DOK6: variants seen among roughly 807,000 people sequenced by gnomAD.
DOK6 encodes downstream of tyrosine kinase 6.
Under a neutral mutation model 44.0 loss-of-function variants are expected in DOK6, and 22 were observed. That is an observed-to-expected ratio of 0.50 (90% CI 0.36 to 0.71). The LOEUF is 0.71. DOK6 is among the 30% of genes least tolerant of loss of function. The probability of loss-of-function intolerance (pLI) is 0.00; values close to 1 mark genes in which losing one functional copy is unlikely to be tolerated. For missense variants in DOK6, 340 were observed against 416.4 expected, an observed-to-expected ratio of 0.82 and a Z score of 1.60; for synonymous variants, 166 against 145.5, an observed-to-expected ratio of 1.14 and a Z score of -1.01.
rs528138644 is a variant in DOK6 at position 69,448,239 on chromosome 18, G to T, written c.66+46929G>T. ...GTTTTAAGTGTTTAACTAGATTTTA[G>T]AATTCTGAAAAAGTTGACTCTGAGA... is the stretch of plus-strand genomic sequence containing the variant. On this transcript the variant is annotated intron_variant, in intron 1 of 7. Transcript: ENST00000382713. 8.5e-5 allele frequency among the ~76,000 whole-genome samples: 13 copies of T among 152,296 alleles called. No individual in the cohort carries two copies. In the East Asian group the frequency reaches 2.5e-3, roughly 29 times the overall value.
chr18:69,507,208 C>T lies in DOK6; in HGVS notation c.67-57279C>T, dbSNP rs1036987835. On this transcript the variant is annotated intron_variant, in intron 1 of 7. Coordinates refer to ENST00000382713, the MANE Select transcript of DOK6 (RefSeq NM_152721.6). ...GTGGCTTGCTAATTTTTTGTATTTT[C>T]AGTAGAGAGGGGGTTTCACCGTGTT... 6.6e-5 allele frequency among the ~76,000 whole-genome samples: 10 copies of T among 151,854 alleles called. No individual in the cohort carries two copies. In the East Asian group the frequency reaches 9.7e-4, roughly 15 times the overall value.
intron 7 of DOK6, among the ~76,000 whole-genome samples, chr18:69,828,565 G>A (rs142577057): frequency 4.6e-5 from 7 of 151,480 alleles, no homozygotes; most frequent in African/African-American, 1.5e-4. Context: ...TTATTATGGA[G>A]AATTTATAAA....
chr18:69,827,177 AGC>A (rs1308090219), intron 7 of DOK6, among the ~76,000 whole-genome samples: 2 of 152,134 alleles, frequency 1.3e-5, no homozygotes, highest in East Asian at 3.8e-4. Flanking sequence ...AATCATTCAA[AGC>A]TTCCTATCAC....
chr18:69,441,905 G>GA (rs1979147877), intron 1 of DOK6, among the ~76,000 whole-genome samples: 1 of 151,848 alleles, frequency 6.6e-6, no homozygotes, highest in African/African-American at 2.4e-5. Flanking sequence ...TGAGAGAAAA[G>GA]AAAAAAATGT....
intron 1 of DOK6, among the ~76,000 whole-genome samples, chr18:69,481,101 C>CT (rs1980406134): frequency 1.3e-5 from 2 of 152,158 alleles, no homozygotes; most frequent in Admixed American, 1.3e-4. Flanking sequence ...CTTCTGCCGT[C>CT]AGGCACTTGG....
chr18:69,629,785 TTTTGTTTG>T (rs147380862), intron 3 of DOK6, among the ~76,000 whole-genome samples: 28 of 151,858 alleles, frequency 1.8e-4, no homozygotes, highest in African/African-American at 5.8e-4. Flanking sequence ...GTTTGTTTGT[TTTTGTTTG>T]TTTGTTTGTT....
intron 7 of DOK6, among the ~76,000 whole-genome samples, chr18:69,775,196 T>C (rs895800335): frequency 6.6e-6 from 1 of 152,024 alleles, no homozygotes; most frequent in African/African-American, 2.4e-5. Flanking sequence ...AATACTAAAT[T>C]GATTCATCTT....
At chr18:69,490,220 G>A (rs1980698250) in intron 1 of DOK6, among the ~76,000 whole-genome samples, 1 of 152,140 alleles carries the variant, frequency 6.6e-6, no homozygotes. Context: ...TCTCAGTGGT[G>A]AAACGCCAGA....
At chr18:69,704,837 C>G (rs749893651) in intron 5 of DOK6, 1 of 152,256 alleles carries the variant, frequency 6.6e-6, no homozygotes, top group African/African-American at 2.4e-5. Context: ...TTTTTCCCCC[C>G]TCTACCCACC....
intron 2 of DOK6, among the ~76,000 whole-genome samples, chr18:69,574,564 GACC>G (rs1215293736): frequency 6.6e-6 from 1 of 151,888 alleles, no homozygotes; most frequent in Non-Finnish European, 1.5e-5. Context: ...AGAAAAATGT[GACC>G]ACAAGTACTG....
At chr18:69,441,256 T>C (rs969201698) in intron 1 of DOK6, among the ~76,000 whole-genome samples, 1 of 152,192 alleles carries the variant, frequency 6.6e-6, no homozygotes. Context: ...TATAAAAGTA[T>C]GATAAATATT....
rs150021673 is a variant in DOK6 at position 69,480,759 on chromosome 18, C to T, written c.66+79449C>T. On this transcript the variant is annotated intron_variant, in intron 1 of 7. Coordinates refer to ENST00000382713, the MANE Select transcript of DOK6 (RefSeq NM_152721.6). ...TGACTGAGGTCACAATACAGTGTGA[C>T]GATTTTAAAATAGGCACAGAATTAT... Among the ~76,000 whole-genome samples the T allele has an allele frequency of 1.8e-3, 277 of 152,054 alleles. 3 individuals carry two copies. The highest frequency in any genetic ancestry group is 6.4e-3 in the African/African-American group (265 of 41,490).
chr18:69,809,597 A>C (rs535393543), intron 7 of DOK6, among the ~76,000 whole-genome samples: 21 of 133,920 alleles, frequency 1.6e-4, no homozygotes, highest in Admixed American at 1.4e-4. Flanking sequence ...CACACACACA[A>C]AAGAAAGAAA....
intron 2 of DOK6, among the ~76,000 whole-genome samples, chr18:69,580,817 T>G (rs1983351269): frequency 1.3e-5 from 2 of 152,148 alleles, no homozygotes; most frequent in South Asian, 4.1e-4. Context: ...AAAAAACAAC[T>G]TCTCAATATT....
chr18:69,439,765 T>C (rs1979085775), intron 1 of DOK6, among the ~76,000 whole-genome samples: 1 of 152,228 alleles, frequency 6.6e-6, no homozygotes, highest in African/African-American at 2.4e-5. Context: ...GGTTCGATCT[T>C]TTATCCAGAC....
intron 1 of DOK6, among the ~76,000 whole-genome samples, chr18:69,534,960 C>CA (rs1401586854): frequency 6.6e-6 from 1 of 152,086 alleles, no homozygotes; most frequent in Admixed American, 6.6e-5. Flanking sequence ...AACTCAGTCT[C>CA]ACTCATGTCT....
intron 5 of DOK6, among the ~76,000 whole-genome samples, chr18:69,719,543 G>A (rs2144722358): frequency 6.6e-6 from 1 of 152,296 alleles, no homozygotes; most frequent in Admixed American, 6.5e-5. Flanking sequence ...ACAATGGCTG[G>A]TTATCACTTA....
At position 69,543,179 on chromosome 18, in the gene DOK6, T is replaced by C. The variant is rs190023278; in HGVS notation, c.67-21308T>C. 6.7e-4 allele frequency among the ~76,000 whole-genome samples: 102 copies of C among 151,708 alleles called. 1 individual carries two copies. The highest frequency in any genetic ancestry group is 2.3e-3 in the African/African-American group (96 of 41,508). ...TTCTTTACACTCCTTTCAATTTACT[T>C]TTATTTTCGGCTGTCACTTGGGCTT... On this transcript the variant is annotated intron_variant, in intron 1 of 7. Coordinates refer to ENST00000382713, the MANE Select transcript of DOK6 (RefSeq NM_152721.6).
intron 1 of DOK6, among the ~76,000 whole-genome samples, chr18:69,555,621 G>A (rs748632777): frequency 4.6e-5 from 7 of 151,968 alleles, no homozygotes; most frequent in Non-Finnish European, 8.8e-5. Context: ...TCTTAATTAC[G>A]GTGTCTTCTA....
Sources: allele counts gnomAD v4.1 joint callset (sites outside exome capture counted in the v4.1 genomes callset), GRCh38; gene constraint gnomAD v4.1.1; transcripts MANE v1.5; gene names NCBI Gene and HGNC (gene_info 2026-07-23, HGNC 2026-07-21).